TRIM49C: variants seen among roughly 807,000 people sequenced by gnomAD.
The protein encoded by TRIM49C is tripartite motif-containing protein 49C.
A neutral mutation model predicts 21.4 loss-of-function variants in TRIM49C; 6 were observed. That is an observed-to-expected ratio of 0.28 (90% CI 0.15 to 0.55). The LOEUF is 0.55. Ranked by LOEUF, TRIM49C falls within the 20% of genes least tolerant of loss-of-function variation. The probability of loss-of-function intolerance (pLI) is 0.94; values close to 1 mark genes in which losing one functional copy is unlikely to be tolerated. For synonymous variants in TRIM49C, 57 were observed against 148.1 expected (o/e 0.38, Z 4.47); for missense variants, 161 against 442.4 (o/e 0.36, Z 5.71).
Position 90,036,113 on chromosome 11 carries a change from A to T in TRIM49C, c.507+130A>T, listed in dbSNP as rs1262761818. 3.4e-6 allele frequency: 4 copies of T among 1,182,270 alleles called. 1 individual carries two copies. In the South Asian group the frequency reaches 7.6e-5, roughly 22 times the overall value. 73.2% of individuals were successfully genotyped at this position (1,182,270 alleles called of 1,614,324 possible). A position where few individuals can be genotyped will look rare whatever the true frequency, so the allele number is the denominator to read the frequency against. ...TAAAAAAAAAAAGGCGAGAGAAAAC[A>T]TTGAGAAAAAGTGGCCTCATTTTTA... On this transcript the variant is annotated intron_variant, in intron 4 of 7. Transcript: ENST00000448984.
chr11:90,072,457 A>G, the TRIM49C span, among the ~76,000 whole-genome samples: 1 of 144,596 alleles, frequency 6.9e-6, no homozygotes, highest in Admixed American at 7.1e-5. Context: ...TTTCTCTTTA[A>G]GTATGAATTT....
chr11:90,037,081 ATGTAT>A, intron 4 of TRIM49C, among the ~76,000 whole-genome samples: 1 of 132,074 alleles, frequency 7.6e-6, no homozygotes, highest in African/African-American at 2.7e-5. Flanking sequence ...ATATGTATGT[ATGTAT>A]GTATGTATGT....
the TRIM49C span, among the ~76,000 whole-genome samples, chr11:90,067,219 C>T: frequency 7.2e-6 from 1 of 139,058 alleles, no homozygotes; most frequent in Non-Finnish European, 1.6e-5. Flanking sequence ...CCATGGAGAG[C>T]GTATGCTTCA....
At chr11:90,069,205 C>A in the TRIM49C span, among the ~76,000 whole-genome samples, 1 of 129,318 alleles carries the variant, frequency 7.7e-6, no homozygotes, top group Non-Finnish European at 1.6e-5. Flanking sequence ...CCCGGGTTCA[C>A]GCCATTCTCC....
At chr11:90,069,271 ATTTTT>A in the TRIM49C span, among the ~76,000 whole-genome samples, 1 of 115,736 alleles carries the variant, frequency 8.6e-6, no homozygotes, top group South Asian at 3.4e-4. Flanking sequence ...CGCCCAGCTA[ATTTTT>A]TTTTTTTTTG....
At chr11:90,053,088 GTTC>G in the TRIM49C span, among the ~76,000 whole-genome samples, 1 of 139,568 alleles carries the variant, frequency 7.2e-6, no homozygotes, top group Non-Finnish European at 1.6e-5. Flanking sequence ...CAGGAAACCT[GTTC>G]TTCTGCTCAT....
the TRIM49C span, chr11:90,071,659 A>T: frequency 9.2e-7 from 1 of 1,083,140 alleles, no homozygotes; most frequent in Non-Finnish European, 1.3e-6. Flanking sequence ...AAACACAGAC[A>T]TCAGAAACTT....
the TRIM49C span, among the ~76,000 whole-genome samples, chr11:90,071,359 A>C: frequency 7.1e-6 from 1 of 140,968 alleles, no homozygotes; most frequent in Non-Finnish European, 1.5e-5. Flanking sequence ...CAGACATTAA[A>C]CTTTTCTTAC....
the TRIM49C span, among the ~76,000 whole-genome samples, chr11:90,063,248 T>C: frequency 6.4e-5 from 8 of 125,682 alleles, 3 homozygotes; most frequent in Non-Finnish European, 1.3e-4. Context: ...TCCTAAGATG[T>C]TCAAGTCTCT....
At chr11:90,050,098 G>A in the TRIM49C span, 2 of 108,228 alleles carry the variant, frequency 1.8e-5, 1 homozygote, top group East Asian at 6.1e-4. Context: ...AAAGGTGACC[G>A]AGGCCTCTCA....
chr11:90,071,694 A>C, the TRIM49C span: 2 of 1,265,242 alleles, frequency 1.6e-6, no homozygotes, highest in African/African-American at 1.5e-5. Context: ...ACTTCCTTGC[A>C]GGAGTGAGTC....
the TRIM49C span, among the ~76,000 whole-genome samples, chr11:90,072,421 G>C: frequency 6.8e-6 from 1 of 147,290 alleles, no homozygotes; most frequent in East Asian, 2.0e-4. Context: ...CAAGGAATCT[G>C]CACTTTTCAG....
intron 6 of TRIM49C, among the ~76,000 whole-genome samples, chr11:90,039,073 C>T (rs1464931612): frequency 0.012 from 1,673 of 134,756 alleles, 40 homozygotes; most frequent in African/African-American, 0.043. Flanking sequence ...GCGCCCGCCA[C>T]CACACCCGGC....
At position 90,041,116 on chromosome 11, in the gene TRIM49C, A is replaced by G; in HGVS notation, c.925A>G (p.Met309Val). 1 of 1,595,358 alleles carries G rather than the reference A, an allele frequency of 6.3e-7. No individual in the cohort carries two copies. ...CTTTCTGTATGAAATTTTGAGAAGC[A>G]TGTGTATTGGATGTGACCATCAAGA... is the stretch of plus-strand genomic sequence containing the variant. The part of the protein sequence containing the change: ...DIFLYEILRS[M>V]CIGCDHQDVP... Residue 309 changes from methionine (M) to valine (V), a missense_variant, in exon 8 of 8, where the codon ATG becomes GTG. Met to Val is a conservative substitution (Grantham distance 21, BLOSUM62 1). Transcript: ENST00000448984.
the TRIM49C span, among the ~76,000 whole-genome samples, chr11:90,068,534 T>C: frequency 3.4e-5 from 5 of 145,406 alleles, 2 homozygotes; most frequent in South Asian, 1.1e-3. Context: ...TCCTTAAGGA[T>C]AGTACTTACA....
rs202068848 is a variant in TRIM49C at position 90,041,235 on chromosome 11, G to T, written c.1044G>T (p.Gly348=). Residue 348 remains glycine (G), a synonymous_variant, in exon 8 of 8, where the codon GGG becomes GGT. Coordinates refer to ENST00000448984, the MANE Select transcript of TRIM49C (RefSeq NM_001195234.1). ...AATATTACTGGGAGGTCCATGTAGG[G>T]GACTCCTGGAATTGGGCTTTTGGTG... The part of the protein sequence containing the change: ...SGKYYWEVHV[G]DSWNWAFGVC... The T allele has an allele frequency of 1.9e-3, 2,955 of 1,584,726 alleles. 8 individuals are homozygous for T. The highest frequency in any genetic ancestry group is 6.4e-3 in the East Asian group (281 of 43,978).
the TRIM49C span, chr11:90,071,762 A>G: frequency 8.4e-7 from 1 of 1,189,944 alleles, no homozygotes; most frequent in Non-Finnish European, 1.2e-6. Flanking sequence ...GGCCCATCAC[A>G]GGACCGGTGG....
At chr11:90,047,981 C>T in the TRIM49C span, among the ~76,000 whole-genome samples, 2 of 117,786 alleles carry the variant, frequency 1.7e-5, no homozygotes, top group African/African-American at 7.0e-5. Context: ...CAAAATCTCT[C>T]AGCATTTGCT....
downstream of TRIM49C, among the ~76,000 whole-genome samples, chr11:90,046,521 T>C (rs1218077918): frequency 1.6e-5 from 2 of 123,082 alleles, no homozygotes; most frequent in South Asian, 3.0e-4. Context: ...AGTGTATGTG[T>C]CCATTTCTTC....
Sources: allele counts gnomAD v4.1 joint callset (sites outside exome capture counted in the v4.1 genomes callset), GRCh38; gene constraint gnomAD v4.1.1; transcripts MANE v1.5; gene names NCBI Gene and HGNC (gene_info 2026-07-23, HGNC 2026-07-21).